Variants in ZNF385B observed in about 807,000 individuals in gnomAD.
ZNF385B encodes zinc finger protein 533.
A neutral mutation model predicts 39.2 loss-of-function variants in ZNF385B; 23 were observed. The observed-to-expected ratio is 0.59, with a 90% CI of 0.42 to 0.83. ZNF385B has a LOEUF of 0.83. Among genes scored for constraint, ZNF385B ranks in the 40% least tolerant of loss-of-function variants. The pLI, the probability that ZNF385B is intolerant of heterozygous loss-of-function variation, is 0.00. For synonymous variants in ZNF385B, 205 were observed against 222.6 expected, an observed-to-expected ratio of 0.92 and a Z score of 0.70; for missense variants, 552 against 598.9, an observed-to-expected ratio of 0.92 and a Z score of 0.82.
chr2:179,457,602 G>T (rs1448026446), intron 6 of ZNF385B, among the ~76,000 whole-genome samples: 1 of 152,058 alleles, frequency 6.6e-6, no homozygotes, highest in Non-Finnish European at 1.5e-5. Flanking sequence ...GTATCTTCTT[G>T]TGGTTTTAAT....
At chr2:179,798,539 C>A (rs59697638) in intron 1 of ZNF385B, among the ~76,000 whole-genome samples, 2,527 of 152,190 alleles carry the variant, frequency 0.017, 84 homozygotes, top group African/African-American at 0.057. Flanking sequence ...TCTTCCTTCT[C>A]CAATGCCCAA....
chr2:179,546,251 G>C (rs2060225735), intron 3 of ZNF385B, among the ~76,000 whole-genome samples: 1 of 151,854 alleles, frequency 6.6e-6, no homozygotes, highest in African/African-American at 2.4e-5. Flanking sequence ...TGCCCACGCT[G>C]GTCTCGAACT....
At chr2:179,584,384 A>C (rs185281627) in intron 3 of ZNF385B, among the ~76,000 whole-genome samples, 1 of 152,324 alleles carries the variant, frequency 6.6e-6, no homozygotes, top group East Asian at 1.9e-4. Context: ...ATAAAATACT[A>C]TAAAATGACA....
intron 3 of ZNF385B, among the ~76,000 whole-genome samples, chr2:179,603,610 G>T (rs1391353187): frequency 6.7e-6 from 1 of 149,736 alleles, no homozygotes; most frequent in Non-Finnish European, 1.5e-5. Context: ...AGTATTCAGA[G>T]TGCTAGCTCC....
intron 1 of ZNF385B, among the ~76,000 whole-genome samples, chr2:179,843,624 C>G (rs554967861): frequency 1.3e-5 from 2 of 152,330 alleles, no homozygotes; most frequent in Admixed American, 6.5e-5. Flanking sequence ...GCTGCTATTT[C>G]CTCAGAAGGG....
intron 3 of ZNF385B, among the ~76,000 whole-genome samples, chr2:179,592,371 A>T (rs1687638206): frequency 6.6e-6 from 1 of 152,234 alleles, no homozygotes; most frequent in South Asian, 2.1e-4. Context: ...TAATAGCCTC[A>T]GTTAGCTGGA....
intron 3 of ZNF385B, among the ~76,000 whole-genome samples, chr2:179,649,552 G>T (rs1321517879): frequency 6.6e-6 from 1 of 151,884 alleles, no homozygotes; most frequent in African/African-American, 2.4e-5. Context: ...TTATCTTATG[G>T]GGTAAATATG....
At chr2:179,592,676 G>A (rs1280446894) in intron 3 of ZNF385B, among the ~76,000 whole-genome samples, 1 of 151,886 alleles carries the variant, frequency 6.6e-6, no homozygotes, top group Non-Finnish European at 1.5e-5. Flanking sequence ...ATGTTCTATT[G>A]TTTCATGGTC....
intron 5 of ZNF385B, among the ~76,000 whole-genome samples, chr2:179,489,170 G>T (rs2054933732): frequency 6.6e-6 from 1 of 152,174 alleles, no homozygotes; most frequent in African/African-American, 2.4e-5. Context: ...GGAGATGAAG[G>T]TATTACGGGC....
In ZNF385B at chr2:179,572,895, G is replaced by A. The variant is rs551158154; in HGVS notation, c.299-27926C>T. 2.0e-5 allele frequency among the ~76,000 whole-genome samples: 3 copies of A among 152,252 alleles called. No individual in the cohort carries two copies. The South Asian group carries it at 6.2e-4, about 32-fold the overall frequency. On this transcript the variant is annotated intron_variant, in intron 3 of 9. Transcript: ENST00000410066. ...GACAAACAACAGCCATGAATAAAGG[G>A]AATTCTTGAATGAGGCTCTCATTTA...
At chr2:179,578,310 G>T (rs556454090) in intron 3 of ZNF385B, among the ~76,000 whole-genome samples, 2 of 151,966 alleles carry the variant, frequency 1.3e-5, no homozygotes, top group Non-Finnish European at 2.9e-5. Flanking sequence ...ATGTTACAAG[G>T]GCAATAAATG....
At chr2:179,476,000 G>T (rs2053402385) in intron 6 of ZNF385B, among the ~76,000 whole-genome samples, 1 of 119,542 alleles carries the variant, frequency 8.4e-6, no homozygotes, top group East Asian at 2.9e-4. Flanking sequence ...CTGGGCAACA[G>T]AGTGAGCCTC....
At chr2:179,673,586 A>C (rs1408540972) in intron 3 of ZNF385B, among the ~76,000 whole-genome samples, 1 of 152,090 alleles carries the variant, frequency 6.6e-6, no homozygotes, top group Non-Finnish European at 1.5e-5. Context: ...TTAAAAAGGC[A>C]ATTTTTCTCT....
chr2:179,519,892 G>A (rs969111052), intron 4 of ZNF385B, among the ~76,000 whole-genome samples: 3 of 152,152 alleles, frequency 2.0e-5, no homozygotes, highest in African/African-American at 7.2e-5. Context: ...GCCATTAGAA[G>A]AAGCTAAATA....
intron 3 of ZNF385B, among the ~76,000 whole-genome samples, chr2:179,736,054 T>C (rs1701735907): frequency 6.6e-6 from 1 of 152,048 alleles, no homozygotes; most frequent in South Asian, 2.1e-4. Flanking sequence ...GTTCCTTAAA[T>C]ATACCTTATT....
chr2:179,673,178 G>A (rs191162790), intron 3 of ZNF385B, among the ~76,000 whole-genome samples: 24 of 152,160 alleles, frequency 1.6e-4, no homozygotes, highest in African/African-American at 3.6e-4. Context: ...CAAGCCAAGC[G>A]AAGTAACATA....
intron 1 of ZNF385B, among the ~76,000 whole-genome samples, chr2:179,817,014 A>G (rs188798420): frequency 3.4e-4 from 52 of 152,260 alleles, no homozygotes; most frequent in Non-Finnish European, 7.1e-4. Flanking sequence ...ATTGTGTAAA[A>G]GCTTCATTGT....
intron 3 of ZNF385B, among the ~76,000 whole-genome samples, chr2:179,650,947 A>G (rs535669426): frequency 1.3e-5 from 2 of 152,282 alleles, no homozygotes; most frequent in Non-Finnish European, 2.9e-5. Context: ...TTAAGGTAAA[A>G]TATCATAATA....
chr2:179,859,470 C>A (rs1684868738), intron 1 of ZNF385B, among the ~76,000 whole-genome samples: 1 of 152,078 alleles, frequency 6.6e-6, no homozygotes, highest in East Asian at 1.9e-4. Flanking sequence ...AACTATGCTG[C>A]AAAACATTGT....
Sources: gnomAD v4.1 joint callset for allele counts (sites outside exome capture counted in the v4.1 genomes callset) on GRCh38, gnomAD v4.1.1 for gene constraint, MANE v1.5 for transcripts, NCBI Gene and HGNC (gene_info 2026-07-23, HGNC 2026-07-21) for gene names.